GULP1: variants seen among roughly 807,000 people sequenced by gnomAD.
GULP1 encodes PTB domain-containing engulfment adapter protein 1.
Under a neutral mutation model 40.9 loss-of-function variants are expected in GULP1, and 19 were observed. That is an observed-to-expected ratio of 0.46 (90% CI 0.32 to 0.68). The LOEUF is 0.68. Among genes scored for constraint, GULP1 ranks in the 30% least tolerant of loss-of-function variants. The pLI, the probability that GULP1 is intolerant of heterozygous loss-of-function variation, is 0.03. For synonymous variants in GULP1, 119 were observed against 117.6 expected (o/e 1.01, Z -0.08); for missense variants, 312 against 362.2 (o/e 0.86, Z 1.12).
chr2:188,587,864 T>C lies in GULP1; in HGVS notation c.758T>C (p.Leu253Pro). The part of the protein sequence containing the change: ...PSRSTEIKRD[L>P]FGAEPFDPFN... ...ATTTCCTTCCTTGCAGAACGGGACC[T>C]GTTTGGAGCAGAACCTTTTGACCCA... Residue 253 changes from leucine to proline, a missense_variant, in exon 11 of 12, where the codon CTG (leucine) becomes CCG (proline). Leu to Pro is a moderately conservative substitution (Grantham distance 98). Transcript: ENST00000409830. The C allele has an allele frequency of 6.3e-7, 1 of 1,596,268 alleles. No homozygotes were observed. Among genetic ancestry groups the C allele is most frequent in the Non-Finnish European group, 8.6e-7 (1 of 1,165,928 alleles).
At chr2:188,576,542 A>G (rs1377605408) in intron 9 of GULP1, among the ~76,000 whole-genome samples, 1 of 152,228 alleles carries the variant, frequency 6.6e-6, no homozygotes, top group Non-Finnish European at 1.5e-5. Flanking sequence ...ATATGAATAT[A>G]TAACACTTCA....
chr2:188,456,717 G>A (rs1407774561), intron 2 of GULP1, among the ~76,000 whole-genome samples: 3 of 152,184 alleles, frequency 2.0e-5, no homozygotes, highest in East Asian at 1.9e-4. Flanking sequence ...TGTGAGAAGA[G>A]TGCCACTGTC....
At chr2:188,537,883 G>A (rs928839687) in intron 6 of GULP1, among the ~76,000 whole-genome samples, 1 of 151,978 alleles carries the variant, frequency 6.6e-6, no homozygotes, top group Non-Finnish European at 1.5e-5. Context: ...GTTCTGTTCA[G>A]GATTTCAGTT....
intron 9 of GULP1, among the ~76,000 whole-genome samples, chr2:188,576,175 A>G (rs984622329): frequency 6.6e-6 from 1 of 151,988 alleles, no homozygotes; most frequent in African/African-American, 2.4e-5. Flanking sequence ...CCAATTGGAG[A>G]TGCTTATTCG....
chr2:188,446,392 T>A (rs2058385769), intron 2 of GULP1, among the ~76,000 whole-genome samples: 1 of 152,170 alleles, frequency 6.6e-6, no homozygotes, highest in Admixed American at 6.5e-5. Flanking sequence ...GACCCTATTA[T>A]GCAAACCGCT....
At chr2:188,352,618 T>TCTCACACACACACACACACACACACACA (rs578003996) in intron 1 of GULP1, among the ~76,000 whole-genome samples, 2 of 134,406 alleles carry the variant, frequency 1.5e-5, no homozygotes, top group African/African-American at 5.8e-5. Context: ...TCTCTCTCTC[T>TCTCACACACACACACACACACACACACA]CACACACACA....
intron 6 of GULP1, among the ~76,000 whole-genome samples, chr2:188,531,141 G>C (rs1687436790): frequency 6.6e-6 from 1 of 152,148 alleles, no homozygotes; most frequent in Admixed American, 6.5e-5. Context: ...TTGGATGCTT[G>C]TTAGAAATGT....
At chr2:188,417,982 T>C (rs1260239835) in intron 2 of GULP1, among the ~76,000 whole-genome samples, 3 of 151,812 alleles carry the variant, frequency 2.0e-5, no homozygotes, top group Non-Finnish European at 2.9e-5. Context: ...TTGTTTTGTT[T>C]TGTTTTGTTT....
chr2:188,587,847 C>T lies in GULP1; in HGVS notation c.749-8C>T. 6.6e-7 allele frequency: 1 copy of T among 1,517,414 alleles called. No individual in the cohort carries two copies. The highest frequency in any genetic ancestry group is 9.1e-7 in the Non-Finnish European group (1 of 1,100,136). The allele number at this position is 1,517,414 out of a possible 1,614,324, so 94.0% of individuals were successfully genotyped here. On this transcript the variant is annotated splice_polypyrimidine_tract_variant and splice_region_variant and intron_variant, in intron 10 of 11. Transcript: ENST00000409830. ...ATTTCATTTACTAAATTATTTCCTT[C>T]CTTGCAGAACGGGACCTGTTTGGAG...
intron 4 of GULP1, among the ~76,000 whole-genome samples, chr2:188,487,632 A>AAATAT (rs10646502): frequency 0.97 from 147,990 of 151,844 alleles, 72,241 homozygotes; most frequent in East Asian, 1. Flanking sequence ...TCAAATATAG[A>AAATAT]AATATAACGC....
chr2:188,427,362 G>A (rs372537213), intron 2 of GULP1, among the ~76,000 whole-genome samples: 37 of 152,300 alleles, frequency 2.4e-4, no homozygotes, highest in African/African-American at 7.5e-4. Flanking sequence ...CTAAAATGAA[G>A]GCAAATGCTA....
chr2:188,516,660 A>G (rs1164607228), intron 4 of GULP1, among the ~76,000 whole-genome samples: 1 of 152,182 alleles, frequency 6.6e-6, no homozygotes, highest in Admixed American at 6.5e-5. Context: ...TCACCTGTAG[A>G]AGATATTAAA....
At chr2:188,336,763 C>G (rs183058825) in intron 1 of GULP1, among the ~76,000 whole-genome samples, 17 of 152,208 alleles carry the variant, frequency 1.1e-4, no homozygotes, top group Admixed American at 3.9e-4. Flanking sequence ...AATTCTAAGG[C>G]TATAAAAGTT....
chr2:188,305,783 T>C (rs923106947), intron 1 of GULP1, among the ~76,000 whole-genome samples: 2 of 152,218 alleles, frequency 1.3e-5, no homozygotes, highest in African/African-American at 4.8e-5. Context: ...AAAAAGATTT[T>C]CAAAATTTAT....
At chr2:188,418,761 A>G (rs781457128) in intron 2 of GULP1, among the ~76,000 whole-genome samples, 1 of 152,234 alleles carries the variant, frequency 6.6e-6, no homozygotes, top group Non-Finnish European at 1.5e-5. Flanking sequence ...TTTTTAGTAA[A>G]CTTTTAAATG....
At chr2:188,494,165 G>A (rs1201197017) in intron 4 of GULP1, among the ~76,000 whole-genome samples, 3 of 151,990 alleles carry the variant, frequency 2.0e-5, no homozygotes, top group African/African-American at 7.2e-5. Context: ...GAAGAAAGGA[G>A]AAAGGATGTT....
chr2:188,461,927 A>G lies in GULP1; in HGVS notation c.-44-15732A>G, dbSNP rs1166837474. On this transcript the variant is annotated intron_variant, in intron 2 of 11. Transcript: ENST00000409830. ...ATAGTGTTTTCTTCATTTTAATTTT[A>G]TTTATTTCTGCTTGATCTTTATTAT... Among the ~76,000 whole-genome samples the G allele has an allele frequency of 2.0e-5, 3 of 151,610 alleles. No homozygotes were observed. The East Asian group carries it at 5.8e-4, about 30-fold the overall frequency.
chr2:188,489,259 A>G (rs1051714588), intron 4 of GULP1, among the ~76,000 whole-genome samples: 1 of 152,036 alleles, frequency 6.6e-6, no homozygotes, highest in African/African-American at 2.4e-5. Flanking sequence ...GAAACATCCC[A>G]AATGGTTTTG....
chr2:188,453,471 A>G (rs965203430), intron 2 of GULP1, among the ~76,000 whole-genome samples: 2 of 152,156 alleles, frequency 1.3e-5, no homozygotes, highest in Non-Finnish European at 2.9e-5. Context: ...TGGGCTTGAT[A>G]TAGATTGGTG....
Sources: gnomAD v4.1 joint callset for allele counts (sites outside exome capture counted in the v4.1 genomes callset) on GRCh38, gnomAD v4.1.1 for gene constraint, MANE v1.5 for transcripts, NCBI Gene and HGNC (gene_info 2026-07-23, HGNC 2026-07-21) for gene names.